Variants in GRIP1 observed in about 807,000 individuals in gnomAD.
The protein encoded by GRIP1 is glutamate receptor-interacting protein 1.
A neutral mutation model predicts 129.9 loss-of-function variants in GRIP1; 45 were observed. That is an observed-to-expected ratio of 0.35 (90% CI 0.27 to 0.44). The LOEUF (loss-of-function observed/expected upper bound fraction) is 0.44. Ranked by LOEUF, GRIP1 falls within the 20% of genes least tolerant of loss-of-function variation. The pLI is 1.00. For missense variants in GRIP1, 1,196 were observed against 1,396.8 expected, an observed-to-expected ratio of 0.86 and a Z score of 2.29; for synonymous variants, 530 against 520.8, an observed-to-expected ratio of 1.02 and a Z score of -0.24.
chr12:66,811,937 G>A (rs1180733202), intron 1 of GRIP1, among the ~76,000 whole-genome samples: 1 of 151,976 alleles, frequency 6.6e-6, no homozygotes, highest in African/African-American at 2.4e-5. Flanking sequence ...ATTGCCATGT[G>A]ATTCATCTTT....
intron 1 of GRIP1, among the ~76,000 whole-genome samples, chr12:66,821,040 A>G (rs1241780170): frequency 2.6e-5 from 4 of 152,226 alleles, no homozygotes; most frequent in South Asian, 2.1e-4. Context: ...AGGTTCCTCA[A>G]TTGTAACAAC....
intron 1 of GRIP1, among the ~76,000 whole-genome samples, chr12:67,038,106 A>G (rs1465018373): frequency 2.0e-5 from 3 of 152,210 alleles, no homozygotes; most frequent in African/African-American, 7.2e-5. Context: ...ATACTGAATC[A>G]GCTTGTGAAG....
intron 1 of GRIP1, among the ~76,000 whole-genome samples, chr12:66,672,725 G>A (rs961354216): frequency 4.0e-5 from 6 of 151,896 alleles, no homozygotes; most frequent in Non-Finnish European, 7.4e-5. Flanking sequence ...CTCAAATAGT[G>A]GGAAGTTATC....
At chr12:66,572,867 C>T (rs1238420195) in intron 2 of GRIP1, among the ~76,000 whole-genome samples, 4 of 151,978 alleles carry the variant, frequency 2.6e-5, no homozygotes, top group African/African-American at 4.8e-5. Flanking sequence ...CCATGGAGGA[C>T]GGTGTTCTCT....
At chr12:66,523,505 G>A (rs915652912) in intron 5 of GRIP1, among the ~76,000 whole-genome samples, 1 of 151,670 alleles carries the variant, frequency 6.6e-6, no homozygotes, top group Non-Finnish European at 1.5e-5. Flanking sequence ...CACCAGGCCT[G>A]CCCTAAAAGA....
intron 1 of GRIP1, among the ~76,000 whole-genome samples, chr12:66,903,075 T>G (rs1198331585): frequency 6.6e-6 from 1 of 152,044 alleles, no homozygotes; most frequent in Admixed American, 6.6e-5. Context: ...AGTCAAATTC[T>G]GAAATAAGAC....
intron 1 of GRIP1, among the ~76,000 whole-genome samples, chr12:66,950,624 C>T (rs1329789631): frequency 1.3e-5 from 2 of 151,996 alleles, no homozygotes; most frequent in Admixed American, 6.6e-5. Context: ...GTAGAATATA[C>T]TGCATGTAGC....
At chr12:66,938,632 A>G (rs2041527137) in intron 1 of GRIP1, among the ~76,000 whole-genome samples, 2 of 152,020 alleles carry the variant, frequency 1.3e-5, no homozygotes, top group African/African-American at 4.8e-5. Flanking sequence ...TCCACTAGAA[A>G]GGTTTGCCAG....
chr12:66,476,793 T>C (rs1428828649), intron 7 of GRIP1, among the ~76,000 whole-genome samples: 6 of 152,192 alleles, frequency 3.9e-5, no homozygotes, highest in African/African-American at 9.6e-5. Context: ...ATTATCTCAA[T>C]AGCTGCAGAA....
At chr12:66,637,126 G>A (rs1380663568) in intron 1 of GRIP1, among the ~76,000 whole-genome samples, 1 of 151,940 alleles carries the variant, frequency 6.6e-6, no homozygotes, top group Non-Finnish European at 1.5e-5. Context: ...GACAAGTAGA[G>A]GGAAGTTAAC....
At chr12:66,971,852 G>C (rs891566579) in intron 1 of GRIP1, among the ~76,000 whole-genome samples, 1 of 152,184 alleles carries the variant, frequency 6.6e-6, no homozygotes, top group African/African-American at 2.4e-5. Context: ...AAAGGGCAAA[G>C]CAATAGCAAA....
chr12:66,597,023 T>C (rs1565897071), intron 1 of GRIP1, 96 bp from the exon 2 acceptor site: 1 of 862,022 alleles, frequency 1.2e-6, no homozygotes, highest in South Asian at 1.3e-5. Context: ...GAGAGAGAAG[T>C]GGTACAGTAC....
At chr12:66,740,778 C>T (rs1044074013) in intron 1 of GRIP1, among the ~76,000 whole-genome samples, 7 of 151,474 alleles carry the variant, frequency 4.6e-5, no homozygotes, top group Non-Finnish European at 8.8e-5. Context: ...ATTATTTAAA[C>T]GTTATATTTG....
chr12:66,877,751 A>C (rs184417027), intron 1 of GRIP1, among the ~76,000 whole-genome samples: 1 of 152,228 alleles, frequency 6.6e-6, no homozygotes, highest in Admixed American at 6.6e-5. Flanking sequence ...TCCCACACAT[A>C]AAACATATCT....
intron 19 of GRIP1, among the ~76,000 whole-genome samples, chr12:66,388,021 T>C (rs1216534303): frequency 2.6e-5 from 4 of 150,952 alleles, no homozygotes; most frequent in African/African-American, 9.7e-5. Context: ...ATAAAAGGAA[T>C]AAAATTTAAA....
intron 1 of GRIP1, among the ~76,000 whole-genome samples, chr12:67,020,054 C>T (rs1592475847): frequency 6.6e-6 from 1 of 152,034 alleles, no homozygotes; most frequent in East Asian, 1.9e-4. Flanking sequence ...TAGAAGTTTG[C>T]TTTTTTAGTA....
At chr12:66,590,457 T>C (rs552498300) in intron 2 of GRIP1, among the ~76,000 whole-genome samples, 1 of 152,316 alleles carries the variant, frequency 6.6e-6, no homozygotes, top group South Asian at 2.1e-4. Flanking sequence ...ACTCAGTATG[T>C]ACTCCCAGCC....
At chr12:66,631,860 G>A (rs2030826895) in intron 1 of GRIP1, among the ~76,000 whole-genome samples, 1 of 152,186 alleles carries the variant, frequency 6.6e-6, no homozygotes, top group African/African-American at 2.4e-5. Flanking sequence ...ATGTGCCAAG[G>A]ACTGGCTGCA....
At chr12:66,457,898 G>A (rs1160339460) in intron 9 of GRIP1, among the ~76,000 whole-genome samples, 1 of 152,200 alleles carries the variant, frequency 6.6e-6, no homozygotes, top group African/African-American at 2.4e-5. Flanking sequence ...TGGAGATCAT[G>A]AAATCATCTA....
Sources: gnomAD v4.1 joint callset for allele counts (sites outside exome capture counted in the v4.1 genomes callset) on GRCh38, gnomAD v4.1.1 for gene constraint, MANE v1.5 for transcripts, NCBI Gene and HGNC (gene_info 2026-07-23, HGNC 2026-07-21) for gene names.